Variants in LRRTM4 observed in about 807,000 individuals in gnomAD.
LRRTM4 encodes the protein leucine rich repeat transmembrane neuronal 4, also known as leucine-rich repeat transmembrane neuronal protein 4.
Under a neutral mutation model 47.6 loss-of-function variants are expected in LRRTM4, and 25 were observed. The ratio of observed to expected loss-of-function variants is 0.53; its 90% CI spans 0.38 to 0.73. The LOEUF is 0.73. Among genes scored for constraint, LRRTM4 ranks in the 30% least tolerant of loss-of-function variants. The pLI is 0.00. For missense variants in LRRTM4, 638 were observed against 713.4 expected (o/e 0.89, Z 1.20); for synonymous variants, 311 against 269.5 (o/e 1.15, Z -1.51).
rs145807706 is a variant in LRRTM4 at position 77,404,623 on chromosome 2, T to C, written c.1551+113695A>G. ...ACTGGATATACAGTGGCTTAACATA[T>C]ACATCATAATTATAGTTTGACCTCT... On this transcript the variant is annotated intron_variant, in intron 3 of 3. Transcript: ENST00000409884. Among the ~76,000 whole-genome samples, 651 of 152,176 alleles carry C rather than the reference T, an allele frequency of 4.3e-3. 3 individuals carry two copies. The highest frequency in any genetic ancestry group is 0.015 in the African/African-American group (627 of 41,552).
intron 3 of LRRTM4, among the ~76,000 whole-genome samples, chr2:77,252,296 T>C (rs569801569): frequency 6.6e-6 from 1 of 152,276 alleles, no homozygotes; most frequent in African/African-American, 2.4e-5. Context: ...CATTGGCATA[T>C]ATGGTACCCT....
intron 3 of LRRTM4, among the ~76,000 whole-genome samples, chr2:76,798,166 C>T (rs1356811835): frequency 6.6e-6 from 1 of 152,048 alleles, no homozygotes; most frequent in African/African-American, 2.4e-5. Context: ...AGCACCGCAC[C>T]ACACCTATTC....
rs1001168374 is a variant in LRRTM4, at chr2:76,933,095, T to C, written c.1552-184179A>G. Among the ~76,000 whole-genome samples, 14 of 152,226 alleles carry C rather than the reference T, an allele frequency of 9.2e-5. No homozygotes were observed. In the South Asian group the frequency reaches 1.7e-3, roughly 18 times the overall value. Reference sequence around the variant, plus strand: ...GCATTAACCATTAAGATAGATAATATTGAACACAACAGCAAGTCAAGTTAG... The same window carrying C: ...GCATTAACCATTAAGATAGATAATACTGAACACAACAGCAAGTCAAGTTAG... On this transcript the variant is annotated intron_variant, in intron 3 of 3. Coordinates refer to ENST00000409884, the MANE Select transcript of LRRTM4 (RefSeq NM_001134745.3).
chr2:76,748,644 A>AT lies in LRRTM4; in HGVS notation c.*50_*51insA. 1 of 1,372,034 alleles carries AT rather than the reference A, an allele frequency of 7.3e-7. No homozygotes were observed. Among genetic ancestry groups the AT allele is most frequent in the East Asian group, 2.3e-5 (1 of 43,376 alleles). 85.0% of individuals were successfully genotyped at this position (1,372,034 alleles called of 1,614,324 possible). A position where few individuals can be genotyped will look rare whatever the true frequency, so the allele number is the denominator to read the frequency against. The stretch of plus-strand genomic sequence containing the variant: ...GGACACCCATTCTCCTTTAAGATGA[A>AT]GGCCCTCCCTCCCCCCCATGGAGCT... On this transcript the variant is annotated 3_prime_UTR_variant, in exon 4 of 4. Transcript: ENST00000409884.
intron 3 of LRRTM4, among the ~76,000 whole-genome samples, chr2:77,444,270 G>T (rs956461210): frequency 3.9e-5 from 6 of 152,100 alleles, no homozygotes; most frequent in African/African-American, 1.4e-4. Context: ...GATCACATGG[G>T]TACACACTGA....
chr2:76,867,959 A>T (rs932900576), intron 3 of LRRTM4, among the ~76,000 whole-genome samples: 1 of 152,134 alleles, frequency 6.6e-6, no homozygotes, highest in Non-Finnish European at 1.5e-5. Context: ...TTCTAGAGAG[A>T]TCAATTCTAT....
chr2:77,158,777 G>A (rs1672628047), intron 3 of LRRTM4, among the ~76,000 whole-genome samples: 1 of 150,514 alleles, frequency 6.6e-6, no homozygotes, highest in South Asian at 2.1e-4. Context: ...TAATCTAAGT[G>A]CTTTTTTCGT....
intron 3 of LRRTM4, among the ~76,000 whole-genome samples, chr2:77,410,352 T>C (rs1191800066): frequency 6.6e-6 from 1 of 152,110 alleles, no homozygotes; most frequent in Non-Finnish European, 1.5e-5. Context: ...TTTAAAGACC[T>C]CCGTGCCCTG....
chr2:76,786,766 T>A (rs1674695945), intron 3 of LRRTM4, among the ~76,000 whole-genome samples: 2 of 151,870 alleles, frequency 1.3e-5, no homozygotes, highest in Non-Finnish European at 2.9e-5. Context: ...AAAAAAAAAA[T>A]GCATCATTTT....
chr2:76,757,137 G>A (rs955822409), intron 3 of LRRTM4, among the ~76,000 whole-genome samples: 4 of 152,070 alleles, frequency 2.6e-5, no homozygotes, highest in Non-Finnish European at 4.4e-5. Context: ...ATAGCAGATT[G>A]AGCACGCAAA....
intron 3 of LRRTM4, among the ~76,000 whole-genome samples, chr2:77,421,262 T>C (rs1674869586): frequency 1.3e-5 from 2 of 152,302 alleles, no homozygotes; most frequent in East Asian, 1.9e-4. Context: ...AGGAAAAGAA[T>C]CAAACATATA....
At chr2:77,252,408 A>G (rs1470077) in intron 3 of LRRTM4, among the ~76,000 whole-genome samples, 102,558 of 151,906 alleles carry the variant, frequency 0.68, 35,044 homozygotes, top group African/African-American at 0.79. Flanking sequence ...CGGGAACAGG[A>G]GCCATGCCCT....
chr2:77,507,944 T>A (rs554030984), intron 3 of LRRTM4, among the ~76,000 whole-genome samples: 1 of 152,120 alleles, frequency 6.6e-6, no homozygotes. Flanking sequence ...TGGATCATGG[T>A]GTCCCTAGAA....
intron 3 of LRRTM4, among the ~76,000 whole-genome samples, chr2:77,355,790 T>C (rs1671944447): frequency 6.6e-6 from 1 of 152,140 alleles, no homozygotes; most frequent in African/African-American, 2.4e-5. Context: ...GGAGTTTATA[T>C]TGGAAATAAA....
chr2:77,193,785 A>T (rs1673740073), intron 3 of LRRTM4, among the ~76,000 whole-genome samples: 1 of 152,172 alleles, frequency 6.6e-6, no homozygotes. Context: ...CTCAGGAAAA[A>T]AATATATATT....
chr2:77,015,996 C>A (rs113464236), intron 3 of LRRTM4, among the ~76,000 whole-genome samples: 1 of 151,900 alleles, frequency 6.6e-6, no homozygotes, highest in Non-Finnish European at 1.5e-5. Context: ...GCAAGAGAAT[C>A]GCTTGAACTG....
intron 3 of LRRTM4, among the ~76,000 whole-genome samples, chr2:76,809,721 A>G (rs976892218): frequency 1.4e-4 from 22 of 152,110 alleles, no homozygotes; most frequent in African/African-American, 5.1e-4. Context: ...CTTGGCCTAC[A>G]AGAACCTGGA....
At chr2:76,956,098 C>T (rs188205506) in intron 3 of LRRTM4, among the ~76,000 whole-genome samples, 299 of 150,306 alleles carry the variant, frequency 2.0e-3, no homozygotes, top group Middle Eastern at 3.5e-3. Context: ...GATTTAACAA[C>T]ACACATTAGT....
chr2:76,989,209 G>A (rs1159790644), intron 3 of LRRTM4, among the ~76,000 whole-genome samples: 1 of 151,750 alleles, frequency 6.6e-6, no homozygotes, highest in Non-Finnish European at 1.5e-5. Context: ...TGAATAAAGT[G>A]ACTGAGTAGC....
Sources: allele counts gnomAD v4.1 joint callset (sites outside exome capture counted in the v4.1 genomes callset), GRCh38; gene constraint gnomAD v4.1.1; transcripts MANE v1.5; gene names NCBI Gene and HGNC (gene_info 2026-07-23, HGNC 2026-07-21).